ROBO2: variants seen among roughly 807,000 people sequenced by gnomAD.
ROBO2 encodes roundabout homolog 2.
A neutral mutation model predicts 160.8 loss-of-function variants in ROBO2; 53 were observed. The observed-to-expected ratio is 0.33, with a 90% confidence interval of 0.26 to 0.41. The LOEUF is 0.41. Ranked by LOEUF, ROBO2 falls within the 10% of genes least tolerant of loss-of-function variation. The pLI is 1.00. For synonymous variants in ROBO2, 664 were observed against 611.7 expected, an observed-to-expected ratio of 1.09 and a Z score of -1.26; for missense variants, 1,577 against 1,722.4, an observed-to-expected ratio of 0.92 and a Z score of 1.49.
intron 2 of ROBO2, among the ~76,000 whole-genome samples, chr3:76,245,339 C>T (rs1705553630): frequency 6.6e-6 from 1 of 152,136 alleles, no homozygotes; most frequent in South Asian, 2.1e-4. Flanking sequence ...AGCAATGTTC[C>T]TGGGAATATT....
intron 2 of ROBO2, among the ~76,000 whole-genome samples, chr3:76,219,523 A>T (rs1046161923): frequency 2.6e-5 from 4 of 152,246 alleles, no homozygotes; most frequent in Non-Finnish European, 5.9e-5. Flanking sequence ...AAGGACATGA[A>T]CAGACACTTC....
chr3:77,287,449 A>C (rs996986833), intron 2 of ROBO2, among the ~76,000 whole-genome samples: 3 of 152,202 alleles, frequency 2.0e-5, no homozygotes, highest in African/African-American at 7.2e-5. Context: ...AAAAAGAGCA[A>C]AAGTAAAGCT....
intron 2 of ROBO2, among the ~76,000 whole-genome samples, chr3:77,147,272 T>G (rs2077196042): frequency 6.6e-6 from 1 of 152,208 alleles, no homozygotes; most frequent in Non-Finnish European, 1.5e-5. Context: ...TTCGGTGAGT[T>G]CTTTAATCTG....
intron 2 of ROBO2, among the ~76,000 whole-genome samples, chr3:76,091,097 G>A (rs1386710406): frequency 6.6e-6 from 1 of 152,058 alleles, no homozygotes; most frequent in East Asian, 1.9e-4. Flanking sequence ...TTGATAACCT[G>A]GGCTTCATTA....
At chr3:77,332,355 C>T (rs903092509) in intron 2 of ROBO2, among the ~76,000 whole-genome samples, 1 of 152,070 alleles carries the variant, frequency 6.6e-6, no homozygotes, top group Non-Finnish European at 1.5e-5. Context: ...GGCTGGTGTT[C>T]GTGTGTCTTC....
intron 2 of ROBO2, among the ~76,000 whole-genome samples, chr3:76,747,283 A>G (rs6797364): frequency 0.67 from 101,376 of 152,040 alleles, 34,166 homozygotes; most frequent in African/African-American, 0.77. Flanking sequence ...AAAATTTCAT[A>G]TAACTTTTTA....
intron 2 of ROBO2, among the ~76,000 whole-genome samples, chr3:76,834,530 G>A (rs979521709): frequency 7.2e-5 from 11 of 151,808 alleles, no homozygotes; most frequent in Admixed American, 5.9e-4. Context: ...ACACCACCGT[G>A]CCTGGCTAAT....
chr3:77,605,516 G>C (rs1036508726), intron 20 of ROBO2, among the ~76,000 whole-genome samples: 3 of 152,178 alleles, frequency 2.0e-5, no homozygotes, highest in Admixed American at 6.5e-5. Flanking sequence ...CTCAAAAGAA[G>C]AGAAAGTGAT....
chr3:77,274,114 G>C (rs745362836), intron 2 of ROBO2, among the ~76,000 whole-genome samples: 2 of 152,002 alleles, frequency 1.3e-5, no homozygotes, highest in East Asian at 1.9e-4. Context: ...TATTTGAATA[G>C]AGTCAATTGA....
At chr3:77,267,749 G>A (rs2059229080) in intron 2 of ROBO2, among the ~76,000 whole-genome samples, 2 of 152,158 alleles carry the variant, frequency 1.3e-5, no homozygotes, top group Non-Finnish European at 2.9e-5. Flanking sequence ...GAGGGGGCTT[G>A]ACCCTTGACT....
intron 2 of ROBO2, among the ~76,000 whole-genome samples, chr3:77,275,630 C>T (rs913608807): frequency 1.1e-4 from 16 of 152,060 alleles, no homozygotes; most frequent in African/African-American, 3.9e-4. Flanking sequence ...TTTCTTTATC[C>T]CTCTTTATTT....
At chr3:76,899,134 C>T (rs1456999356) in intron 2 of ROBO2, among the ~76,000 whole-genome samples, 1 of 151,986 alleles carries the variant, frequency 6.6e-6, no homozygotes, top group East Asian at 1.9e-4. Context: ...CCAATCATCT[C>T]GTATAGAACT....
intron 2 of ROBO2, among the ~76,000 whole-genome samples, chr3:77,117,766 A>G (rs1490525741): frequency 6.6e-6 from 1 of 152,112 alleles, no homozygotes; most frequent in Non-Finnish European, 1.5e-5. Context: ...CTTTCATGTG[A>G]TTATCCCTAA....
intron 1 of ROBO2, among the ~76,000 whole-genome samples, chr3:77,061,166 A>C (rs767461209): frequency 6.6e-5 from 10 of 152,166 alleles, no homozygotes; most frequent in Non-Finnish European, 1.2e-4. Flanking sequence ...CATAACATAC[A>C]TATGTTCATA....
chr3:77,152,231 T>A (rs2077606041), intron 2 of ROBO2, among the ~76,000 whole-genome samples: 1 of 152,138 alleles, frequency 6.6e-6, no homozygotes, highest in Admixed American at 6.5e-5. Flanking sequence ...ATAACGGAAG[T>A]ACAATGTAAG....
At chr3:77,038,225 T>A (rs1316123811), upstream of ROBO2, among the ~76,000 whole-genome samples, 4 of 152,204 alleles carry the variant, frequency 2.6e-5, no homozygotes, top group Admixed American at 6.5e-5. Context: ...ATTATTATAG[T>A]GAGAATTCAA....
At chr3:77,466,112 T>C (rs532459727) in intron 2 of ROBO2, among the ~76,000 whole-genome samples, 1 of 152,276 alleles carries the variant, frequency 6.6e-6, no homozygotes, top group African/African-American at 2.4e-5. Flanking sequence ...AGAAAAGTGA[T>C]AGAGCTATTT....
intron 2 of ROBO2, among the ~76,000 whole-genome samples, chr3:76,571,870 A>G (rs1322217189): frequency 6.6e-6 from 1 of 152,128 alleles, no homozygotes; most frequent in Non-Finnish European, 1.5e-5. Flanking sequence ...ATGGAAGTAA[A>G]TTACTAAAGG....
At chr3:76,355,012 GTATGTGTATGTT>G (rs1444839671) in intron 2 of ROBO2, among the ~76,000 whole-genome samples, 3 of 150,972 alleles carry the variant, frequency 2.0e-5, no homozygotes, top group Non-Finnish European at 4.4e-5. Context: ...GGATATGTGT[GTATGTGTATGTT>G]TATGTGTATG....
Sources: gnomAD v4.1 joint callset for allele counts (sites outside exome capture counted in the v4.1 genomes callset) on GRCh38, gnomAD v4.1.1 for gene constraint, MANE v1.5 for transcripts, NCBI Gene and HGNC (gene_info 2026-07-23, HGNC 2026-07-21) for gene names.